PTCD2: variants seen among roughly 807,000 people sequenced by gnomAD.
PTCD2 encodes pentatricopeptide repeat-containing protein 2, mitochondrial.
In PTCD2, 31 loss-of-function variants were observed where a neutral mutation model predicts 42.6. That is an observed-to-expected ratio of 0.73 (90% CI 0.55 to 0.98). The LOEUF (loss-of-function observed/expected upper bound fraction) is 0.98, where lower values mean the gene tolerates loss of function less well. Among genes scored for constraint, PTCD2 ranks in the 50% least tolerant of loss-of-function variants. The pLI, the probability that PTCD2 is intolerant of heterozygous loss-of-function variation, is 0.00. For synonymous variants in PTCD2, 183 were observed against 170.9 expected (o/e 1.07, Z -0.55); for missense variants, 476 against 454.8 (o/e 1.05, Z -0.42).
chr5:72,344,243 G>A (rs1160517772), intron 8 of PTCD2, among the ~76,000 whole-genome samples: 2 of 152,182 alleles, frequency 1.3e-5, no homozygotes, highest in African/African-American at 4.8e-5. Context: ...GCTGGGCACG[G>A]TGGCTCACAC....
At chr5:72,345,517 T>C (rs1380480967) in intron 8 of PTCD2, among the ~76,000 whole-genome samples, 1 of 152,214 alleles carries the variant, frequency 6.6e-6, no homozygotes, top group Admixed American at 6.5e-5. Flanking sequence ...AGGGTATTGA[T>C]TGGGGAAGTG....
chr5:72,327,047 CTCT>C (rs1027064899), intron 3 of PTCD2, among the ~76,000 whole-genome samples: 1 of 152,142 alleles, frequency 6.6e-6, no homozygotes, highest in Non-Finnish European at 1.5e-5. Context: ...AAATTCACTC[CTCT>C]TCTTCTGTTT....
At position 72,354,237 on chromosome 5, in the gene PTCD2, C is replaced by T. The variant is rs1204262073; in HGVS notation, c.942+1483C>T. The stretch of plus-strand genomic sequence containing the variant: ...TGGCCAAAATGTAACCCCGTATCTA[C>T]TAAAAATATAAAAATTAGCTGGGCG... On this transcript the variant is annotated intron_variant, in intron 9 of 9. Transcript: ENST00000380639. 6.6e-5 allele frequency among the ~76,000 whole-genome samples: 10 copies of T among 151,920 alleles called. No homozygotes were observed. In the South Asian group the frequency reaches 2.1e-3, roughly 32 times the overall value.
At chr5:72,320,718 G>A in intron 1 of PTCD2, 1 of 632,120 alleles carries the variant, frequency 1.6e-6, no homozygotes, top group Non-Finnish European at 2.7e-6. Context: ...GGACTGCTGG[G>A]GTATTGACCT....
chr5:72,367,698 C>T lies in PTCD2; in HGVS notation c.*9271C>T, dbSNP rs1186721845. 6.6e-6 allele frequency: 1 copy of T among 152,204 alleles called. No individual in the cohort carries two copies. The highest frequency in any genetic ancestry group is 2.4e-5 in the African/African-American group (1 of 41,438). 9.4% of individuals were successfully genotyped at this position (152,204 alleles called of 1,614,324 possible). A position where few individuals can be genotyped will look rare whatever the true frequency, so the allele number is the denominator to read the frequency against. On this transcript the variant is annotated 3_prime_UTR_variant, in exon 10 of 10. Coordinates refer to ENST00000380639, the MANE Select transcript of PTCD2 (RefSeq NM_024754.5). ...AGTCTGGAGTTGAGTGGCCAGAACT[C>T]AGTCTTTCTTTACATGCTGTGTTAA... is the stretch of plus-strand genomic sequence containing the variant.
chr5:72,338,473 A>G (rs575039320), intron 6 of PTCD2, 149 bp from the exon 7 acceptor site: 1 of 412,412 alleles, frequency 2.4e-6, no homozygotes, highest in East Asian at 3.6e-5. Flanking sequence ...ATTTGCAAAT[A>G]GTCTTTATAT....
intron 7 of PTCD2, among the ~76,000 whole-genome samples, chr5:72,339,276 G>A (rs1236424845): frequency 1.3e-5 from 2 of 152,220 alleles, no homozygotes; most frequent in African/African-American, 4.8e-5. Flanking sequence ...CAGAGTTAGA[G>A]CTGAAACCCT....
Position 72,335,113 on chromosome 5 carries a change from C to A in PTCD2, c.547+17C>A, listed in dbSNP as rs1218275879. 4 of 1,384,514 alleles carry A rather than the reference C, an allele frequency of 2.9e-6. No individual in the cohort carries two copies. Among genetic ancestry groups the A allele is most frequent in the Middle Eastern group, 1.8e-4 (1 of 5,640 alleles). 85.8% of individuals were successfully genotyped at this position (1,384,514 alleles called of 1,614,324 possible). A position where few individuals can be genotyped will look rare whatever the true frequency, so the allele number is the denominator to read the frequency against. On this transcript the variant is annotated intron_variant, in intron 5 of 9. Coordinates refer to ENST00000380639, the MANE Select transcript of PTCD2 (RefSeq NM_024754.5). Reference sequence around the variant, plus strand: ...AATATAAAAGTAAGTACTGCAATTTCTATTTGCTGAAAAATTCTGCCATGT... The same window carrying A: ...AATATAAAAGTAAGTACTGCAATTTATATTTGCTGAAAAATTCTGCCATGT...
chr5:72,329,967 C>G (rs1424825032), intron 3 of PTCD2, among the ~76,000 whole-genome samples: 2 of 149,058 alleles, frequency 1.3e-5, no homozygotes, highest in Admixed American at 6.7e-5. Flanking sequence ...GAGTCTCGCT[C>G]TGTCGCCCAG....
intron 2 of PTCD2, among the ~76,000 whole-genome samples, chr5:72,323,903 C>G (rs569681228): frequency 2.0e-5 from 3 of 152,252 alleles, no homozygotes; most frequent in African/African-American, 7.2e-5. Flanking sequence ...GCCTCAGTCT[C>G]CTAAAGTACA....
chr5:72,347,416 T>G (rs1752411003), intron 8 of PTCD2, among the ~76,000 whole-genome samples: 1 of 152,218 alleles, frequency 6.6e-6, no homozygotes, highest in Non-Finnish European at 1.5e-5. Context: ...CTGGGTGCGG[T>G]GGCTCATGCC....
At chr5:72,333,964 C>T (rs991420839) in intron 4 of PTCD2, among the ~76,000 whole-genome samples, 3 of 152,108 alleles carry the variant, frequency 2.0e-5, no homozygotes, top group African/African-American at 4.8e-5. Flanking sequence ...TTCAAGTGAT[C>T]GTCCTACCTC....
intron 3 of PTCD2, 75 bp from the exon 4 acceptor site, chr5:72,331,183 G>C: frequency 2.1e-6 from 2 of 938,670 alleles, no homozygotes; most frequent in Non-Finnish European, 1.8e-6. Context: ...ACCTGGCACA[G>C]TACCTGCCAT....
At chr5:72,330,630 G>T (rs1411163310) in intron 3 of PTCD2, among the ~76,000 whole-genome samples, 2 of 152,176 alleles carry the variant, frequency 1.3e-5, no homozygotes, top group African/African-American at 4.8e-5. Flanking sequence ...TGGCAGACTG[G>T]CTGCCTGTAG....
At position 72,365,180 on chromosome 5, in the gene PTCD2, T is replaced by C. The variant is rs1236933594; in HGVS notation, c.*6753T>C. Reference sequence around the variant, plus strand: ...TCTGGGATAGGAGAGGAAGGCCTCATTTAATCAGGAGAAGAAAGAGAACCA... The same window carrying C: ...TCTGGGATAGGAGAGGAAGGCCTCACTTAATCAGGAGAAGAAAGAGAACCA... On this transcript the variant is annotated 3_prime_UTR_variant, in exon 10 of 10. Coordinates refer to ENST00000380639, the MANE Select transcript of PTCD2 (RefSeq NM_024754.5). The C allele has an allele frequency of 6.6e-6, 1 of 152,304 alleles. No individual in the cohort carries two copies. The highest frequency in any genetic ancestry group is 1.9e-4 in the East Asian group (1 of 5,192). The allele number at this position is 152,304 out of a possible 1,614,324, so 9.4% of individuals were successfully genotyped here. A position where few individuals can be genotyped will look rare whatever the true frequency, so the allele number is the denominator to read the frequency against.
At chr5:72,357,471 A>G (rs1752932861) in intron 9 of PTCD2, among the ~76,000 whole-genome samples, 1 of 152,180 alleles carries the variant, frequency 6.6e-6, no homozygotes, top group African/African-American at 2.4e-5. Context: ...ACATTTCTGT[A>G]CACTCCAGTT....
chr5:72,351,612 AAGG>A, intron 8 of PTCD2, among the ~76,000 whole-genome samples: 1 of 152,304 alleles, frequency 6.6e-6, no homozygotes, highest in East Asian at 1.9e-4. Flanking sequence ...GGGGAAGGCG[AAGG>A]AGAAGCAAGT....
intron 3 of PTCD2, among the ~76,000 whole-genome samples, chr5:72,329,929 A>G (rs1391611170): frequency 6.7e-6 from 1 of 148,776 alleles, no homozygotes; most frequent in East Asian, 2.0e-4. Flanking sequence ...AATATTATTT[A>G]TAACTTCTTT....
At chr5:72,354,175 G>T (rs56232576) in intron 9 of PTCD2, among the ~76,000 whole-genome samples, 1 of 152,032 alleles carries the variant, frequency 6.6e-6, no homozygotes, top group Non-Finnish European at 1.5e-5. Flanking sequence ...GGAGGCTGAG[G>T]CAGGCGGATC....
Sources: allele counts gnomAD v4.1 joint callset (sites outside exome capture counted in the v4.1 genomes callset), GRCh38; gene constraint gnomAD v4.1.1; transcripts MANE v1.5; gene names NCBI Gene and HGNC (gene_info 2026-07-23, HGNC 2026-07-21).